KDM6B: variants seen among roughly 807,000 people sequenced by gnomAD.
KDM6B encodes the protein lysine demethylase 6B.
A neutral mutation model predicts 150.4 loss-of-function variants in KDM6B; 22 were observed. The observed-to-expected ratio is 0.15, with a 90% CI of 0.10 to 0.21. The LOEUF is 0.21. KDM6B is among the 10% of genes least tolerant of loss of function. The probability of loss-of-function intolerance (pLI) is 1.00; values close to 1 mark genes in which losing one functional copy is unlikely to be tolerated. For missense variants in KDM6B, 1,984 were observed against 2,234.3 expected (o/e 0.89, Z 2.26); for synonymous variants, 1,148 against 921.1 (o/e 1.25, Z -4.46).
intron 17 of KDM6B, 47 bp from the exon 18 acceptor site, chr17:7,851,601 C>T (rs764487099): frequency 1.8e-5 from 29 of 1,608,692 alleles, no homozygotes; most frequent in Non-Finnish European, 2.3e-5. Flanking sequence ...GCTAGGACCT[C>T]GTGGCGGGGG....
At chr17:7,841,613 A>G (rs969753586) in intron 2 of KDM6B, among the ~76,000 whole-genome samples, 1 of 152,216 alleles carries the variant, frequency 6.6e-6, no homozygotes, top group African/African-American at 2.4e-5. Context: ...ACAGGCACAG[A>G]GGGAGACAAG....
In KDM6B at chr17:7,848,188, T is replaced by C; in HGVS notation, c.1900T>C (p.Phe634Leu). 6.2e-7 allele frequency: 1 copy of C among 1,611,942 alleles called. No individual in the cohort carries two copies. The highest frequency in any genetic ancestry group is 1.7e-5 in the Admixed American group (1 of 60,016). The change falls in exon 12 of 24, where the codon TTC (phenylalanine) becomes CTC (leucine). Residue 634 changes from phenylalanine (F) to leucine (L), a missense_variant. Physicochemically the swap from Phe to Leu is conservative, Grantham distance 22. This residue lies in a region of KDM6B where 1,379 missense variants were observed against 1,275.6 expected (regional missense o/e 1.08). Coordinates refer to ENST00000448097, the MANE Select transcript of KDM6B (RefSeq NM_001348716.2). Reference protein sequence around the residue: ...RPESPRPRVSFPKTPEVGPGP... With the variant: ...RPESPRPRVSLPKTPEVGPGP... The stretch of plus-strand genomic sequence containing the variant: ...GGAGAGCCCCCGGCCCAGGGTCTCC[T>C]TCCCAAAGACCCCCGAGGTGGGGCC...
At chr17:7,834,510 A>G (rs2078291350) in intron 1 of KDM6B, among the ~76,000 whole-genome samples, 160 bp downstream of exon 1, 1 of 152,032 alleles carries the variant, frequency 6.6e-6, no homozygotes, top group South Asian at 2.1e-4. Flanking sequence ...GGTCCCCTAG[A>G]AGAGAGAACG....
rs369345061 is a variant in KDM6B at position 7,845,803 on chromosome 17, C to T, written c.138-69C>T. The stretch of plus-strand genomic sequence containing the variant: ...CATTCTGTGGGCTTCCGTGCATCAG[C>T]CCCCTCCTGCCTAGGTAGGACAAGA... On this transcript the variant is annotated intron_variant, in intron 5 of 23. Coordinates refer to ENST00000448097, the MANE Select transcript of KDM6B (RefSeq NM_001348716.2). 769 of 1,579,506 alleles carry T rather than the reference C, an allele frequency of 4.9e-4. 13 individuals carry two copies. The East Asian group carries it at 0.014, about 29-fold the overall frequency.
Position 7,846,674 on chromosome 17 carries a change from A to C in KDM6B, c.645A>C (p.Ser215=). The C allele has an allele frequency of 6.2e-7, 1 of 1,614,100 alleles. No individual in the cohort carries two copies. The highest frequency in any genetic ancestry group is 8.5e-7 in the Non-Finnish European group (1 of 1,179,964). ...VVQPVPPAAL[S]GPSGEEGLSP... is the part of the protein sequence containing the mutation. ...AGCCTGTGCCTCCTGCAGCACTCTC[A>C]GGCCCCTCAGGGGAGGAGGGCCTCA... is the stretch of plus-strand genomic sequence containing the variant. The change falls in exon 9 of 24, where the codon TCA becomes TCC. Residue 215 remains serine, a synonymous_variant. Transcript: ENST00000448097.
Position 7,853,543 on chromosome 17 carries a change from G to T in KDM6B, c.*22G>T. 1 of 1,429,326 alleles carries T rather than the reference G, an allele frequency of 7.0e-7. No homozygotes were observed. The highest frequency in any genetic ancestry group is 1.4e-5 in the South Asian group (1 of 73,350). The allele number at this position is 1,429,326 out of a possible 1,614,324, so 88.5% of individuals were successfully genotyped here. The stretch of plus-strand genomic sequence containing the variant: ...ATGAGGCCGGACGCCCCGCCCGCCT[G>T]CCTGCCCGCGCAAGGCGCCGCGGGG... On this transcript the variant is annotated 3_prime_UTR_variant, in exon 24 of 24. Coordinates refer to ENST00000448097, the MANE Select transcript of KDM6B (RefSeq NM_001348716.2).
chr17:7,842,109 T>C (rs1453167815), intron 2 of KDM6B, among the ~76,000 whole-genome samples: 1 of 152,178 alleles, frequency 6.6e-6, no homozygotes, highest in Non-Finnish European at 1.5e-5. Context: ...TCAGGCCTCT[T>C]ACCACGCGTC....
rs758206613 is a variant in KDM6B, at chr17:7,846,417, T to C, written c.474T>C (p.Phe158=). The C allele has an allele frequency of 2.7e-6, 4 of 1,469,146 alleles. No individual in the cohort carries two copies. The highest frequency in any genetic ancestry group is 6.0e-5 in the East Asian group (2 of 33,482). The allele number at this position is 1,469,146 out of a possible 1,614,324, so 91.0% of individuals were successfully genotyped here. Residue 158 remains phenylalanine (F), a synonymous_variant, in exon 8 of 24, where the codon TTT becomes TTC. Transcript: ENST00000448097. ...GRLQQAQLWN[F]HTGSCQHRAK... is the part of the protein sequence containing the mutation. The stretch of plus-strand genomic sequence containing the variant: ...ACCCCCAGGCCCAGCTCTGGAACTT[T>C]CATACTGGCTCCTGCCAGCACCGAG...
rs1419688179 is a variant in KDM6B, at chr17:7,847,891, G to T, written c.1603G>T (p.Val535Leu). ...FLGPPASRFS[V>L]GTQDSHTPPT... ...GGGGCCTCCGGCCTCCCGCTTTTCTGTGGGCACTCAGGATTCTCACACCCC... is the reference window on the plus strand; with the variant it reads ...GGGGCCTCCGGCCTCCCGCTTTTCTTTGGGCACTCAGGATTCTCACACCCC... The change falls in exon 12 of 24, where the codon GTG becomes TTG. Residue 535 changes from valine to leucine, a missense_variant. Val to Leu is a conservative substitution (Grantham distance 32, BLOSUM62 1). This residue lies in a region of KDM6B where 1,379 missense variants were observed against 1,275.6 expected (regional missense o/e 1.08). Transcript: ENST00000448097. The T allele has an allele frequency of 1.3e-6, 2 of 1,572,212 alleles. No homozygotes were observed. The highest frequency in any genetic ancestry group is 1.9e-5 in the Admixed American group (1 of 53,618).
At chr17:7,845,148 C>T (rs895716718) in intron 3 of KDM6B, 128 bp downstream of exon 3, 11 of 336,282 alleles carry the variant, frequency 3.3e-5, no homozygotes, top group Non-Finnish European at 5.2e-5. Context: ...CAGCCACACT[C>T]CTGGGCCTCT....
chr17:7,842,034 C>T (rs922902061), intron 2 of KDM6B, among the ~76,000 whole-genome samples: 1 of 152,204 alleles, frequency 6.6e-6, no homozygotes, highest in Non-Finnish European at 1.5e-5. Flanking sequence ...CGCTGATTGC[C>T]GGCTAGGTAA....
chr17:7,838,675 G>C (rs143651222), intron 1 of KDM6B, among the ~76,000 whole-genome samples: 1 of 137,532 alleles, frequency 7.3e-6, no homozygotes, highest in Non-Finnish European at 1.5e-5. Flanking sequence ...CTCTGCTCTC[G>C]ACTAGCCCTT....
At chr17:7,842,911 G>T (rs532819368) in intron 2 of KDM6B, among the ~76,000 whole-genome samples, 6 of 152,164 alleles carry the variant, frequency 3.9e-5, no homozygotes, top group Admixed American at 6.6e-5. Flanking sequence ...GGTCCCGGGT[G>T]CGGACAAGGA....
chr17:7,847,685 C>T lies in KDM6B; in HGVS notation c.1397C>T (p.Ser466Phe), dbSNP rs778447062. 5 of 1,577,136 alleles carry T rather than the reference C, an allele frequency of 3.2e-6. No individual in the cohort carries two copies. The highest frequency in any genetic ancestry group is 2.3e-5 in the South Asian group (2 of 87,584). The change falls in exon 12 of 24, where the codon TCC becomes TTC. Residue 466 changes from serine (S) to phenylalanine (F), a missense_variant. Physicochemically the swap from Ser to Phe is radical, Grantham distance 155. Around this residue, in one of 13 missense-constraint regions of KDM6B, gnomAD observed 1,379 missense variants for 1,275.6 expected, o/e 1.08. Transcript: ENST00000448097. ...CACCTATCCCTGCCACCTGGACCTT[C>T]CTCACCCCCTCCACCCCCCTGTCCC... ...TPHLSLPPGP[S>F]SPPPPPCPRL...
At chr17:7,846,544 C>T in intron 8 of KDM6B, 35 bp from the exon 9 acceptor site, 1 of 1,614,064 alleles carries the variant, frequency 6.2e-7, no homozygotes, top group South Asian at 1.1e-5. Flanking sequence ...GTGCCTGCAC[C>T]CGTGCCATTT....
Position 7,845,475 on chromosome 17 carries a change from C to T in KDM6B, c.-6+19C>T, listed in dbSNP as rs544617512. On this transcript the variant is annotated intron_variant, in intron 4 of 23. Transcript: ENST00000448097. ...TGACCTGGTAAGGGAAACTCTGGGG[C>T]CGAGCTGGCTGGATGTACACTGGCA... 2.8e-5 allele frequency: 45 copies of T among 1,581,556 alleles called. 1 individual carries two copies. The African/African-American group carries it at 5.0e-4, about 17-fold the overall frequency.
At chr17:7,841,587 C>T (rs1357334012) in intron 2 of KDM6B, among the ~76,000 whole-genome samples, 1 of 152,160 alleles carries the variant, frequency 6.6e-6, no homozygotes, top group African/African-American at 2.4e-5. Flanking sequence ...GGGATAATGA[C>T]AGGAACGCGT....
chr17:7,852,266 G>A lies in KDM6B; in HGVS notation c.4398G>A (p.Ala1466=). 1 of 1,614,016 alleles carries A rather than the reference G, an allele frequency of 6.2e-7. No homozygotes were observed. Among genetic ancestry groups the A allele is most frequent in the Non-Finnish European group, 8.5e-7 (1 of 1,180,048 alleles). ...QRPGDLVWIN[A]GTVHWVQATG... ...CCGGAGACCTCGTGTGGATTAATGCGGGGACTGTGCACTGGGTGCAGGCCA... is the reference window on the plus strand; with the variant it reads ...CCGGAGACCTCGTGTGGATTAATGCAGGGACTGTGCACTGGGTGCAGGCCA... Residue 1466 remains alanine (A), a synonymous_variant, in exon 20 of 24, where the codon GCG becomes GCA. Coordinates refer to ENST00000448097, the MANE Select transcript of KDM6B (RefSeq NM_001348716.2).
intron 7 of KDM6B, 44 bp downstream of exon 7, chr17:7,846,341 C>T (rs548654871): frequency 5.1e-6 from 8 of 1,580,286 alleles, no homozygotes; most frequent in South Asian, 4.6e-5. Flanking sequence ...TACGATTGTG[C>T]CTTCTGGCTC....
Sources: allele counts gnomAD v4.1 joint callset (sites outside exome capture counted in the v4.1 genomes callset), GRCh38; gene constraint gnomAD v4.1.1; regional missense constraint gnomAD v4.1.1; transcripts MANE v1.5; gene names NCBI Gene and HGNC (gene_info 2026-07-23, HGNC 2026-07-21).